Variants in RHOBTB3 observed in about 807,000 individuals in gnomAD.
RHOBTB3 encodes the protein Rho related BTB domain containing 3.
In RHOBTB3, 47 loss-of-function variants were observed where a neutral mutation model predicts 67.2. The observed-to-expected ratio is 0.70, with a 90% CI of 0.55 to 0.89. The LOEUF (loss-of-function observed/expected upper bound fraction) is 0.89, where lower values mean the gene tolerates loss of function less well. Among genes scored for constraint, RHOBTB3 ranks in the 40% least tolerant of loss-of-function variants. The pLI, the probability that RHOBTB3 is intolerant of heterozygous loss-of-function variation, is 0.00. For synonymous variants in RHOBTB3, 273 were observed against 274.2 expected, an observed-to-expected ratio of 1.00 and a Z score of 0.04; for missense variants, 631 against 750.0, an observed-to-expected ratio of 0.84 and a Z score of 1.85.
chr5:95,724,639 T>C (rs1200219946), intron 1 of RHOBTB3, among the ~76,000 whole-genome samples: 1 of 152,192 alleles, frequency 6.6e-6, no homozygotes, highest in East Asian at 1.9e-4. Flanking sequence ...CTAATTTTTG[T>C]ATTTTTAGTA....
In RHOBTB3 at chr5:95,795,599, AG is replaced by A. The variant is rs1474093082; in HGVS notation, c.*2426del. On this transcript the variant is annotated 3_prime_UTR_variant, in exon 12 of 12. Coordinates refer to ENST00000379982, the MANE Select transcript of RHOBTB3 (RefSeq NM_014899.4). ...GGTGCCCAGTTGGTGTGGAGTGTGT[AG>A]TTTTGTTATGAAAGTTCTCTACCAC... 6.6e-6 allele frequency: 1 copy of A among 152,210 alleles called. No homozygotes were observed. The highest frequency in any genetic ancestry group is 1.5e-5 in the Non-Finnish European group (1 of 68,032). The allele number at this position is 152,210 out of a possible 1,614,324, so 9.4% of individuals were successfully genotyped here. A position where few individuals can be genotyped will look rare whatever the true frequency, so the allele number is the denominator to read the frequency against.
At chr5:95,736,015 T>C (rs962672051) in intron 2 of RHOBTB3, among the ~76,000 whole-genome samples, 1 of 152,108 alleles carries the variant, frequency 6.6e-6, no homozygotes, top group Non-Finnish European at 1.5e-5. Context: ...GGCACAGGAA[T>C]TGCTTGAACT....
chr5:95,751,120 T>C (rs574239298), intron 4 of RHOBTB3, among the ~76,000 whole-genome samples: 1 of 152,358 alleles, frequency 6.6e-6, no homozygotes, highest in African/African-American at 2.4e-5. Context: ...TGAAGCTACG[T>C]AAATGCACCT....
At chr5:95,761,192 A>G (rs1446035533) in intron 6 of RHOBTB3, among the ~76,000 whole-genome samples, 2 of 152,208 alleles carry the variant, frequency 1.3e-5, no homozygotes, top group Non-Finnish European at 2.9e-5. Flanking sequence ...TTTTACATAT[A>G]TAAGTATGTA....
At chr5:95,771,269 A>T (rs1302019136) in intron 8 of RHOBTB3, among the ~76,000 whole-genome samples, 1 of 152,278 alleles carries the variant, frequency 6.6e-6, no homozygotes, top group East Asian at 1.9e-4. Flanking sequence ...AGAACTTTAG[A>T]TGGGCAATTA....
intron 6 of RHOBTB3, among the ~76,000 whole-genome samples, chr5:95,760,953 C>T (rs1580412575): frequency 6.6e-6 from 1 of 152,154 alleles, no homozygotes; most frequent in East Asian, 1.9e-4. Flanking sequence ...ATTATGAAAA[C>T]AGCCCAATCA....
At chr5:95,754,654 A>G (rs1335356993) in intron 5 of RHOBTB3, among the ~76,000 whole-genome samples, 4 of 152,230 alleles carry the variant, frequency 2.6e-5, no homozygotes, top group South Asian at 2.1e-4. Flanking sequence ...GAGTGTAGGT[A>G]TTCTGAGTTG....
chr5:95,748,443 C>T lies in RHOBTB3; in HGVS notation c.526C>T (p.His176Tyr), dbSNP rs1427548527. 20 of 1,613,360 alleles carry T rather than the reference C, an allele frequency of 1.2e-5. No homozygotes were observed. The highest frequency in any genetic ancestry group is 1.5e-5 in the Non-Finnish European group (18 of 1,179,578). The change falls in exon 4 of 12, where the codon CAC (histidine) becomes TAC (tyrosine). Residue 176 changes from histidine to tyrosine, a missense_variant. Physicochemically the swap from His to Tyr is moderately conservative, Grantham distance 83. Coordinates refer to ENST00000379982, the MANE Select transcript of RHOBTB3 (RefSeq NM_014899.4). ...KELGATYLEL[H>Y]SLDDFYIGKY... is the part of the protein sequence containing the mutation. ...ACTAGGAGCGACCTATCTTGAACTC[C>T]ACAGCCTTGATGACTTCTACATAGG...
chr5:95,770,700 T>G (rs1437197002), intron 8 of RHOBTB3: 1 of 474,886 alleles, frequency 2.1e-6, no homozygotes, highest in African/African-American at 2.0e-5. Context: ...GAGGTGGCAT[T>G]TCTGATTCCT....
upstream of RHOBTB3, among the ~76,000 whole-genome samples, chr5:95,727,929 T>C (rs1304424860): frequency 6.6e-6 from 1 of 152,220 alleles, no homozygotes; most frequent in Non-Finnish European, 1.5e-5. Context: ...TAACTAGTCA[T>C]TCAAGGACTG....
At position 95,755,706 on chromosome 5, in the gene RHOBTB3, T is replaced by C. The variant is rs1363875880; in HGVS notation, c.993T>C (p.Val331=). 6.2e-7 allele frequency: 1 copy of C among 1,614,004 alleles called. No individual in the cohort carries two copies. Among genetic ancestry groups the C allele is most frequent in the African/African-American group, 1.3e-5 (1 of 74,940 alleles). ...GCAACCCACCATTACGAGTCATTGT[T>C]AAAGACGCCCTCTTCTGTTCTTGTT... ...SSGNPPLRVI[V]KDALFCSCLS... Residue 331 remains valine (V), a synonymous_variant, in exon 6 of 12, where the codon GTT becomes GTC. Coordinates refer to ENST00000379982, the MANE Select transcript of RHOBTB3 (RefSeq NM_014899.4).
chr5:95,731,143 C>T, upstream of RHOBTB3: 9 of 1,015,644 alleles, frequency 8.9e-6, no homozygotes, highest in Non-Finnish European at 1.1e-5. Context: ...TTCCGCGGCG[C>T]CCCGCGCGGG....
chr5:95,735,191 C>T (rs1580394281), intron 2 of RHOBTB3, among the ~76,000 whole-genome samples: 1 of 151,598 alleles, frequency 6.6e-6, no homozygotes, highest in Non-Finnish European at 1.5e-5. Context: ...TCCCACTTCC[C>T]TTCTGCCCCC....
At chr5:95,730,348 A>G (rs1028059709), upstream of RHOBTB3, among the ~76,000 whole-genome samples, 17 of 152,244 alleles carry the variant, frequency 1.1e-4, no homozygotes, top group Middle Eastern at 3.2e-3. Context: ...AGAGTAAGGT[A>G]CTGGTTAGAA....
intron 3 of RHOBTB3, among the ~76,000 whole-genome samples, chr5:95,743,027 C>T (rs1210125731): frequency 2.0e-5 from 3 of 151,998 alleles, no homozygotes; most frequent in African/African-American, 2.4e-5. Flanking sequence ...GCCAAGATTG[C>T]GCCACTACAC....
intron 8 of RHOBTB3, among the ~76,000 whole-genome samples, chr5:95,779,171 T>C (rs115175463): frequency 9.2e-5 from 14 of 152,304 alleles, no homozygotes; most frequent in Non-Finnish European, 1.6e-4. Context: ...TTTAGAGATG[T>C]GTGGGTAAAC....
intron 6 of RHOBTB3, 95 bp downstream of exon 6, chr5:95,755,856 T>A (rs1745229894): frequency 8.2e-7 from 1 of 1,213,662 alleles, no homozygotes; most frequent in South Asian, 1.5e-5. Context: ...AGTTTTACAG[T>A]GGTCTTTACC....
rs759342338 is a variant in RHOBTB3, at chr5:95,755,645, A to C, written c.932A>C (p.Asp311Ala). The C allele has an allele frequency of 3.1e-6, 5 of 1,614,200 alleles. No homozygotes were observed. The South Asian group carries it at 5.5e-5, about 18-fold the overall frequency. Reference sequence around the variant, plus strand: ...CAGGATCTTTTTGCTATAAACAGAGATACTGCATTTCCAGGTGCTAGCCAT... The same window carrying C: ...CAGGATCTTTTTGCTATAAACAGAGCTACTGCATTTCCAGGTGCTAGCCAT... ...TTQDLFAINR[D>A]TAFPGASHES... is the part of the protein sequence containing the mutation. The change falls in exon 6 of 12, where the codon GAT (aspartate) becomes GCT (alanine). Residue 311 changes from aspartate (D) to alanine (A), a missense_variant. Coordinates refer to ENST00000379982, the MANE Select transcript of RHOBTB3 (RefSeq NM_014899.4).
chr5:95,741,017 A>G (rs1198790435), intron 3 of RHOBTB3, among the ~76,000 whole-genome samples: 1 of 152,192 alleles, frequency 6.6e-6, no homozygotes, highest in African/African-American at 2.4e-5. Context: ...ACATACTATT[A>G]CATTTTTACT....
Sources: allele counts gnomAD v4.1 joint callset (sites outside exome capture counted in the v4.1 genomes callset), GRCh38; gene constraint gnomAD v4.1.1; transcripts MANE v1.5; gene names NCBI Gene and HGNC (gene_info 2026-07-23, HGNC 2026-07-21).